UACA: variants seen among roughly 807,000 people sequenced by gnomAD.
UACA encodes nuclear membrane binding protein.
In UACA, 112 loss-of-function variants were observed where a neutral mutation model predicts 160.5. The observed-to-expected ratio is 0.70, with a 90% CI of 0.60 to 0.82. The LOEUF is 0.82. UACA is among the 40% of genes least tolerant of loss of function. The pLI is 0.00. For missense variants in UACA, 1,574 were observed against 1,614.6 expected (o/e 0.97, Z 0.43); for synonymous variants, 557 against 568.4 (o/e 0.98, Z 0.29).
rs996559283 is a variant in UACA, at chr15:70,687,636, G to A, written c.506C>T (p.Thr169Ile). 1.2e-6 allele frequency: 2 copies of A among 1,613,900 alleles called. No individual in the cohort carries two copies. The highest frequency in any genetic ancestry group is 1.7e-5 in the Admixed American group (1 of 60,000). Residue 169 changes from threonine (T) to isoleucine (I), a missense_variant, in exon 7 of 19, where the codon ACA (threonine) becomes ATA (isoleucine). Physicochemically the swap from Thr to Ile is moderately conservative, Grantham distance 89. Transcript: ENST00000322954. ...CATCTGAGTAGCCAGAACAAGTGGT[G>A]TCCGCCCGTCCTAAGCAACAGGAAA... Reference protein sequence around the residue: ...SVNAKDVDGRTPLVLATQMSR... With the variant: ...SVNAKDVDGRIPLVLATQMSR...
chr15:70,694,903 G>T, intron 3 of UACA, 114 bp downstream of exon 3: 1 of 884,106 alleles, frequency 1.1e-6, no homozygotes, highest in Non-Finnish European at 1.8e-6. Context: ...TTTAAAAACA[G>T]AAAATTGAGG....
At chr15:70,758,883 T>C (rs917751496) in intron 1 of UACA, 4 of 152,206 alleles carry the variant, frequency 2.6e-5, no homozygotes, top group African/African-American at 9.6e-5. Flanking sequence ...AGTACTCTGC[T>C]ACGACTTTGT....
At chr15:70,658,508 AT>A (rs1896563235) in intron 18 of UACA, among the ~76,000 whole-genome samples, 1 of 152,192 alleles carries the variant, frequency 6.6e-6, no homozygotes. Context: ...CTTGTGTAAT[AT>A]TGCCAGTCCC....
At chr15:70,663,152 A>C (rs1292103847) in intron 17 of UACA, among the ~76,000 whole-genome samples, 1 of 152,240 alleles carries the variant, frequency 6.6e-6, no homozygotes, top group Non-Finnish European at 1.5e-5. Flanking sequence ...CAATGAACTC[A>C]AACACATTTA....
chr15:70,774,468 C>A, the UACA span, among the ~76,000 whole-genome samples: 26,206 of 149,956 alleles, frequency 0.17, 3,483 homozygotes, highest in African/African-American at 0.38. Context: ...ATGGCGTGAA[C>A]CCAGGAGGCG....
At chr15:70,663,818 G>A (rs953640494) in intron 17 of UACA, among the ~76,000 whole-genome samples, 1 of 143,228 alleles carries the variant, frequency 7.0e-6, no homozygotes, top group Non-Finnish European at 1.5e-5. Flanking sequence ...GAACTGAACA[G>A]TGAGAACACA....
the UACA span, among the ~76,000 whole-genome samples, chr15:70,770,237 A>G: frequency 6.6e-6 from 1 of 152,208 alleles, no homozygotes; most frequent in Non-Finnish European, 1.5e-5. Context: ...ATAATTTTGT[A>G]CCCAATTGTT....
At chr15:70,681,725 G>A (rs1031906037) in intron 9 of UACA, 1 of 152,126 alleles carries the variant, frequency 6.6e-6, no homozygotes, top group Admixed American at 6.5e-5. Flanking sequence ...AGTGTCAACA[G>A]ACATGACCCA....
At chr15:70,753,060 C>A (rs1457286666) in intron 1 of UACA, among the ~76,000 whole-genome samples, 1 of 152,032 alleles carries the variant, frequency 6.6e-6, no homozygotes, top group Non-Finnish European at 1.5e-5. Flanking sequence ...GGGAAGGTAA[C>A]AGAAGCACAG....
chr15:70,675,755 G>A (rs1897286358), intron 13 of UACA, among the ~76,000 whole-genome samples: 1 of 152,170 alleles, frequency 6.6e-6, no homozygotes, highest in African/African-American at 2.4e-5. Context: ...TGGTCTGAAT[G>A]TCTGCCAAAA....
intron 10 of UACA, among the ~76,000 whole-genome samples, chr15:70,679,257 G>C (rs1192558502): frequency 6.6e-6 from 1 of 151,826 alleles, no homozygotes; most frequent in Non-Finnish European, 1.5e-5. Context: ...ACAAAAATTA[G>C]CCAGGCATGG....
At chr15:70,697,630 T>C (rs985888611) in intron 2 of UACA, among the ~76,000 whole-genome samples, 4 of 152,268 alleles carry the variant, frequency 2.6e-5, no homozygotes, top group African/African-American at 9.6e-5. Flanking sequence ...GTTTTTGTAA[T>C]TGTAAATACA....
At chr15:70,664,458 G>A (rs1001949529) in intron 17 of UACA, among the ~76,000 whole-genome samples, 1 of 152,154 alleles carries the variant, frequency 6.6e-6, no homozygotes, top group African/African-American at 2.4e-5. Flanking sequence ...TACGTAAAAT[G>A]TTTAATATGG....
At chr15:70,764,902 C>T (rs935313244), upstream of UACA, among the ~76,000 whole-genome samples, 2 of 152,088 alleles carry the variant, frequency 1.3e-5, no homozygotes, top group Non-Finnish European at 2.9e-5. Flanking sequence ...TACCTCATAC[C>T]CGGACTATTA....
chr15:70,687,035 A>T (rs1016669554), intron 7 of UACA, among the ~76,000 whole-genome samples: 1 of 152,218 alleles, frequency 6.6e-6, no homozygotes, highest in South Asian at 2.1e-4. Context: ...GGACAGGTTC[A>T]GAGTAGGAGA....
rs182170546 is a variant in UACA, at chr15:70,683,703, T to G, written c.784+562A>C. Among the ~76,000 whole-genome samples, 624 of 152,154 alleles carry G rather than the reference T, an allele frequency of 4.1e-3. 5 individuals are homozygous for G. The highest frequency in any genetic ancestry group is 0.014 in the African/African-American group (592 of 41,534). On this transcript the variant is annotated intron_variant, in intron 8 of 18. Transcript: ENST00000322954. ...CTTCAAAATAGGTTACATAAAAAAG[T>G]AAGCTACAATTCAGATTTACAGTGA...
intron 1 of UACA, chr15:70,748,927 T>G (rs1899794232): frequency 6.6e-6 from 1 of 152,404 alleles, no homozygotes; most frequent in Non-Finnish European, 1.5e-5. Flanking sequence ...CTGCTTCATC[T>G]TCACAAGTCC....
intron 18 of UACA, among the ~76,000 whole-genome samples, chr15:70,658,715 A>AT (rs36095720): frequency 1.1e-3 from 158 of 149,826 alleles, no homozygotes; most frequent in African/African-American, 3.2e-3. Context: ...CAACACACAC[A>AT]TTTTTTTTTT....
chr15:70,712,835 A>G (rs954764011), intron 1 of UACA, among the ~76,000 whole-genome samples: 1 of 152,212 alleles, frequency 6.6e-6, no homozygotes, highest in African/African-American at 2.4e-5. Flanking sequence ...AAAATCTTCA[A>G]TGTAAAAGTA....
Sources: allele counts gnomAD v4.1 joint callset (sites outside exome capture counted in the v4.1 genomes callset), GRCh38; gene constraint gnomAD v4.1.1; transcripts MANE v1.5; gene names NCBI Gene and HGNC (gene_info 2026-07-23, HGNC 2026-07-21).